PLXDC2: variants seen among roughly 807,000 people sequenced by gnomAD.
PLXDC2 encodes plexin domain containing 2, also known as plexin domain-containing protein 2.
A neutral mutation model predicts 68.9 loss-of-function variants in PLXDC2; 40 were observed. The ratio of observed to expected loss-of-function variants is 0.58; its 90% CI spans 0.45 to 0.76. PLXDC2 has a LOEUF of 0.76. Ranked by LOEUF, PLXDC2 falls within the 30% of genes least tolerant of loss-of-function variation. The probability of loss-of-function intolerance (pLI) is 0.00; values close to 1 mark genes in which losing one functional copy is unlikely to be tolerated. For missense variants in PLXDC2, 644 were observed against 661.9 expected (o/e 0.97, Z 0.30); for synonymous variants, 243 against 234.2 (o/e 1.04, Z -0.34).
chr10:19,928,875 C>T (rs1833582767), intron 1 of PLXDC2, among the ~76,000 whole-genome samples: 1 of 151,300 alleles, frequency 6.6e-6, no homozygotes, highest in Non-Finnish European at 1.5e-5. Flanking sequence ...TTGCCTCAGC[C>T]TCCCAAATAG....
intron 2 of PLXDC2, among the ~76,000 whole-genome samples, chr10:20,019,647 G>A (rs1835270641): frequency 6.6e-6 from 1 of 152,174 alleles, no homozygotes; most frequent in Admixed American, 6.6e-5. Context: ...CACACACATT[G>A]AGGAAAGGCC....
chr10:20,215,853 G>C (rs16920115), intron 10 of PLXDC2, among the ~76,000 whole-genome samples: 2 of 152,106 alleles, frequency 1.3e-5, no homozygotes, highest in Non-Finnish European at 2.9e-5. Context: ...GAGTAAAACC[G>C]GGAGAATCAT....
At chr10:20,229,494 G>C (rs1052783395) in intron 12 of PLXDC2, among the ~76,000 whole-genome samples, 3 of 120,116 alleles carry the variant, frequency 2.5e-5, no homozygotes, top group Non-Finnish European at 4.9e-5. Flanking sequence ...TATTACTCAC[G>C]TAATATGCTG....
chr10:20,123,458 A>T (rs1833727395), intron 4 of PLXDC2, among the ~76,000 whole-genome samples: 1 of 152,176 alleles, frequency 6.6e-6, no homozygotes, highest in African/African-American at 2.4e-5. Context: ...TAAGATGGAA[A>T]AATCGAAAGT....
chr10:19,910,349 G>A (rs568859372), intron 1 of PLXDC2, among the ~76,000 whole-genome samples: 21 of 151,748 alleles, frequency 1.4e-4, no homozygotes, highest in Admixed American at 2.0e-4. Flanking sequence ...TGTGTTTCTC[G>A]CATTTTTCTA....
At chr10:19,821,715 G>A (rs1836470029) in intron 1 of PLXDC2, among the ~76,000 whole-genome samples, 3 of 152,132 alleles carry the variant, frequency 2.0e-5, no homozygotes, top group Admixed American at 2.0e-4. Context: ...TCCATCCCTA[G>A]GATAGAAATA....
At chr10:20,028,475 G>A (rs973237640) in intron 2 of PLXDC2, among the ~76,000 whole-genome samples, 12 of 152,244 alleles carry the variant, frequency 7.9e-5, no homozygotes, top group African/African-American at 2.2e-4. Context: ...TGTGAGTTGC[G>A]AATGTACTAT....
intron 12 of PLXDC2, among the ~76,000 whole-genome samples, chr10:20,226,403 A>G (rs141139793): frequency 8.5e-5 from 13 of 152,302 alleles, no homozygotes; most frequent in Middle Eastern, 3.4e-3. Context: ...AATATTGGAC[A>G]CCCCTGATTT....
chr10:20,186,714 C>T (rs993092623), intron 9 of PLXDC2, among the ~76,000 whole-genome samples: 5 of 151,926 alleles, frequency 3.3e-5, no homozygotes, highest in Non-Finnish European at 2.9e-5. Context: ...TGGCCTCCAG[C>T]TTCATCCATG....
chr10:20,070,188 G>T (rs952197686), intron 4 of PLXDC2, among the ~76,000 whole-genome samples: 4 of 152,186 alleles, frequency 2.6e-5, no homozygotes, highest in African/African-American at 9.7e-5. Flanking sequence ...TGCCATAAGG[G>T]ATAGTTCGAG....
chr10:20,242,158 G>A (rs985724600), intron 12 of PLXDC2, among the ~76,000 whole-genome samples: 1 of 152,078 alleles, frequency 6.6e-6, no homozygotes, highest in Admixed American at 6.6e-5. Context: ...AGAGCACTGT[G>A]TCATACTCTT....
In PLXDC2 at chr10:20,004,852, A is replaced by T. The variant is rs1241983507; in HGVS notation, c.324+2866A>T. Among the ~76,000 whole-genome samples, 3 of 152,270 alleles carry T rather than the reference A, an allele frequency of 2.0e-5. No homozygotes were observed. In the East Asian group the frequency reaches 5.8e-4, roughly 29 times the overall value. On this transcript the variant is annotated intron_variant, in intron 2 of 13. Coordinates refer to ENST00000377252, the MANE Select transcript of PLXDC2 (RefSeq NM_032812.9). ...TTCTACCTTAACAGAGGGAGACCACAAAGTGTCAGGTTTGAATCAGTAAAA... is the reference window on the plus strand; with the variant it reads ...TTCTACCTTAACAGAGGGAGACCACTAAGTGTCAGGTTTGAATCAGTAAAA...
intron 1 of PLXDC2, among the ~76,000 whole-genome samples, chr10:19,866,971 T>G (rs1014168632): frequency 6.6e-6 from 1 of 151,890 alleles, no homozygotes; most frequent in Non-Finnish European, 1.5e-5. Flanking sequence ...AATATGATAG[T>G]TTGGCCTGTG....
chr10:20,164,636 T>A, intron 7 of PLXDC2, 69 bp downstream of exon 7: 1 of 1,183,780 alleles, frequency 8.4e-7, no homozygotes, highest in Non-Finnish European at 1.3e-6. Context: ...GATTGGTCTA[T>A]GGCAGCTGTA....
At chr10:19,980,775 C>G (rs950481543) in intron 1 of PLXDC2, among the ~76,000 whole-genome samples, 1 of 152,178 alleles carries the variant, frequency 6.6e-6, no homozygotes, top group African/African-American at 2.4e-5. Flanking sequence ...AAATTTCTAA[C>G]CTCATTTAAC....
At chr10:19,959,476 C>T (rs183273174) in intron 1 of PLXDC2, among the ~76,000 whole-genome samples, 1 of 152,070 alleles carries the variant, frequency 6.6e-6, no homozygotes. Context: ...TTATTTGGTG[C>T]CTTTCTTAGC....
chr10:19,830,520 A>G (rs11812579), intron 1 of PLXDC2, among the ~76,000 whole-genome samples: 2,007 of 152,052 alleles, frequency 0.013, 52 homozygotes, highest in African/African-American at 0.046. Flanking sequence ...TGATATTTCT[A>G]TCTCCTCAGT....
intron 1 of PLXDC2, among the ~76,000 whole-genome samples, chr10:19,927,021 G>A (rs1262407945): frequency 6.6e-6 from 1 of 152,098 alleles, no homozygotes; most frequent in African/African-American, 2.4e-5. Flanking sequence ...CTCCCTTCTT[G>A]CTGACCTTAT....
At chr10:19,859,322 A>G (rs1227706788) in intron 1 of PLXDC2, among the ~76,000 whole-genome samples, 1 of 152,208 alleles carries the variant, frequency 6.6e-6, no homozygotes, top group Non-Finnish European at 1.5e-5. Context: ...TGCCAAAGCA[A>G]CGCTGTAAAA....
Sources: allele counts gnomAD v4.1 joint callset (sites outside exome capture counted in the v4.1 genomes callset), GRCh38; gene constraint gnomAD v4.1.1; transcripts MANE v1.5; gene names NCBI Gene and HGNC (gene_info 2026-07-23, HGNC 2026-07-21).